CSMD3: variants seen among roughly 807,000 people sequenced by gnomAD.
CSMD3 encodes CUB and sushi domain-containing protein 3.
CSMD3 carries 177 observed loss-of-function variants against 435.2 expected under a neutral mutation model. The ratio of observed to expected loss-of-function variants is 0.41; its 90% confidence interval spans 0.36 to 0.46. The LOEUF (loss-of-function observed/expected upper bound fraction) is 0.46, where lower values mean the gene tolerates loss of function less well. Among genes scored for constraint, CSMD3 ranks in the 20% least tolerant of loss-of-function variants. The pLI, the probability that CSMD3 is intolerant of heterozygous loss-of-function variation, is 0.34. For missense variants in CSMD3, 4,265 were observed against 4,504.6 expected, an observed-to-expected ratio of 0.95 and a Z score of 1.52; for synonymous variants, 1,656 against 1,520.5, an observed-to-expected ratio of 1.09 and a Z score of -2.07.
intron 4 of CSMD3, among the ~76,000 whole-genome samples, chr8:113,117,037 C>T (rs564437692): frequency 2.6e-4 from 40 of 152,230 alleles, no homozygotes; most frequent in African/African-American, 9.1e-4. Context: ...AAAAGAAAGA[C>T]CCATTTTCTG....
intron 32 of CSMD3, among the ~76,000 whole-genome samples, chr8:112,416,134 G>C (rs1170405633): frequency 2.0e-5 from 3 of 152,172 alleles, no homozygotes; most frequent in Non-Finnish European, 2.9e-5. Context: ...ATCTCATCTT[G>C]AATTGTAGTT....
At chr8:113,238,412 G>T (rs561727918) in intron 3 of CSMD3, among the ~76,000 whole-genome samples, 1 of 152,136 alleles carries the variant, frequency 6.6e-6, no homozygotes, top group South Asian at 2.1e-4. Flanking sequence ...TTGAATTTTG[G>T]ACTATACCAT....
intron 20 of CSMD3, among the ~76,000 whole-genome samples, chr8:112,639,812 C>T (rs1319719798): frequency 6.6e-6 from 1 of 152,074 alleles, no homozygotes; most frequent in African/African-American, 2.4e-5. Flanking sequence ...GAATATACCA[C>T]ATCTATTTAC....
At chr8:112,281,435 C>A in intron 58 of CSMD3, 85 bp from the exon 59 acceptor site, 1 of 1,052,308 alleles carries the variant, frequency 9.5e-7, no homozygotes, top group Non-Finnish European at 1.4e-6. Flanking sequence ...ACGATTCTTT[C>A]AAATTATTCA....
intron 10 of CSMD3, among the ~76,000 whole-genome samples, chr8:112,917,770 A>G (rs1344926553): frequency 6.6e-6 from 1 of 151,980 alleles, no homozygotes; most frequent in African/African-American, 2.4e-5. Flanking sequence ...GCTTCTAGAC[A>G]TATTTCAAAC....
chr8:112,922,986 C>T (rs532301687), intron 9 of CSMD3, among the ~76,000 whole-genome samples: 61 of 152,206 alleles, frequency 4.0e-4, no homozygotes, highest in African/African-American at 1.3e-3. Context: ...GTTGCTAAGG[C>T]CAAAAACCTT....
At chr8:113,095,089 A>ATATACCCCAAAACTACGTGCATCTAT in intron 5 of CSMD3, among the ~76,000 whole-genome samples, 2 of 152,066 alleles carry the variant, frequency 1.3e-5, no homozygotes, top group South Asian at 2.1e-4. Flanking sequence ...AAAAAATCAC[A>ATATACCCCAAAACTACGTGCATCTAT]TATACCCCAA....
At chr8:113,331,627 C>T (rs1035267223) in intron 1 of CSMD3, among the ~76,000 whole-genome samples, 14 of 151,648 alleles carry the variant, frequency 9.2e-5, no homozygotes, top group African/African-American at 3.4e-4. Context: ...CTAAACCTAA[C>T]ATTCTGAAAT....
intron 17 of CSMD3, among the ~76,000 whole-genome samples, chr8:112,660,155 G>A (rs1449610270): frequency 6.6e-6 from 1 of 152,046 alleles, no homozygotes; most frequent in African/African-American, 2.4e-5. Flanking sequence ...CCTTACAAGA[G>A]TTTGGCTGGA....
chr8:113,284,018 T>C (rs2093629409), intron 2 of CSMD3, among the ~76,000 whole-genome samples: 1 of 152,120 alleles, frequency 6.6e-6, no homozygotes, highest in African/African-American at 2.4e-5. Flanking sequence ...GTCTCACTAA[T>C]ATGTGGGAAC....
intron 9 of CSMD3, among the ~76,000 whole-genome samples, chr8:112,922,682 C>A (rs2130641596): frequency 6.6e-6 from 1 of 152,090 alleles, no homozygotes; most frequent in Admixed American, 6.6e-5. Flanking sequence ...GTTCCACCCA[C>A]GTTGTTGCAA....
intron 27 of CSMD3, among the ~76,000 whole-genome samples, chr8:112,545,536 C>T (rs1827114287): frequency 6.7e-6 from 1 of 149,138 alleles, no homozygotes; most frequent in South Asian, 2.1e-4. Context: ...AAATGCTCTT[C>T]CCACCACCAT....
chr8:113,253,837 G>GAA (rs1158610148), intron 3 of CSMD3, among the ~76,000 whole-genome samples: 2 of 126,392 alleles, frequency 1.6e-5, no homozygotes, highest in Non-Finnish European at 3.5e-5. Flanking sequence ...GACTCCGTCT[G>GAA]AAAAAAAAAA....
At chr8:112,951,982 G>A (rs1426000989) in intron 8 of CSMD3, among the ~76,000 whole-genome samples, 1 of 151,584 alleles carries the variant, frequency 6.6e-6, no homozygotes, top group Admixed American at 6.6e-5. Context: ...TTCTAGAGGA[G>A]CCTACTAAAG....
intron 32 of CSMD3, among the ~76,000 whole-genome samples, chr8:112,429,554 A>C (rs2130377432): frequency 6.6e-6 from 1 of 152,208 alleles, no homozygotes. Flanking sequence ...GCAGGACAAC[A>C]TAAAGGTACA....
intron 1 of CSMD3, among the ~76,000 whole-genome samples, chr8:113,414,864 G>A (rs2094575134): frequency 6.6e-6 from 1 of 152,058 alleles, no homozygotes; most frequent in Admixed American, 6.6e-5. Flanking sequence ...TACTTGGGAG[G>A]CTGAGGCAGG....
intron 3 of CSMD3, among the ~76,000 whole-genome samples, chr8:113,229,133 C>A (rs2093057961): frequency 6.6e-6 from 1 of 151,516 alleles, no homozygotes; most frequent in African/African-American, 2.4e-5. Context: ...GACATATCAA[C>A]AATTTTTCTG....
intron 1 of CSMD3, among the ~76,000 whole-genome samples, chr8:113,396,409 T>C (rs1307206179): frequency 2.6e-5 from 4 of 152,266 alleles, no homozygotes; most frequent in African/African-American, 9.6e-5. Flanking sequence ...GTACAACTAA[T>C]AAGGGTAAGT....
At chr8:112,529,603 C>T (rs1369962150) in intron 27 of CSMD3, among the ~76,000 whole-genome samples, 4 of 152,026 alleles carry the variant, frequency 2.6e-5, no homozygotes, top group East Asian at 3.9e-4. Flanking sequence ...AACAAACCAA[C>T]AAAAATCCAG....
Sources: gnomAD v4.1 joint callset for allele counts (sites outside exome capture counted in the v4.1 genomes callset) on GRCh38, gnomAD v4.1.1 for gene constraint, MANE v1.5 for transcripts, NCBI Gene and HGNC (gene_info 2026-07-23, HGNC 2026-07-21) for gene names.